Variants in SEMA3E observed in about 807,000 individuals in gnomAD.
The protein encoded by SEMA3E is semaphorin 3E, also known as semaphorin-3E.
SEMA3E carries 49 observed loss-of-function variants against 93.6 expected under a neutral mutation model. The ratio of observed to expected loss-of-function variants is 0.52; its 90% CI spans 0.42 to 0.66. The LOEUF (loss-of-function observed/expected upper bound fraction) is 0.66, where lower values mean the gene tolerates loss of function less well. SEMA3E is among the 30% of genes least tolerant of loss of function. The pLI, the probability that SEMA3E is intolerant of heterozygous loss-of-function variation, is 0.00. For missense variants in SEMA3E, 906 were observed against 964.8 expected (o/e 0.94, Z 0.81); for synonymous variants, 363 against 330.7 (o/e 1.10, Z -1.06).
chr7:83,431,368 A>T lies in SEMA3E; in HGVS notation c.457-12885T>A, dbSNP rs533593049. On this transcript the variant is annotated intron_variant, in intron 4 of 16. Coordinates refer to ENST00000643230, the MANE Select transcript of SEMA3E (RefSeq NM_012431.3). ...TATTAGAAAAAAATAAATATAAATT[A>T]AAAAATATATCTTAATTTGAGTTGG... Among the ~76,000 whole-genome samples, 38 of 152,114 alleles carry T rather than the reference A, an allele frequency of 2.5e-4. 1 individual carries two copies. Among genetic ancestry groups the T allele is most frequent in the Admixed American group, 1.1e-3 (17 of 15,288 alleles).
chr7:83,505,737 C>T (rs1190689530), intron 1 of SEMA3E, among the ~76,000 whole-genome samples: 2 of 151,836 alleles, frequency 1.3e-5, no homozygotes, highest in African/African-American at 2.4e-5. Flanking sequence ...TATTTGTGGC[C>T]GGGCACAGTG....
rs192634576 is a variant in SEMA3E, at chr7:83,505,843, G to A, written c.116-15569C>T. ...ATCCTGGCTAACATGGTGAAACCTC[G>A]TCTCTATTAAAAATACAAAAAATTA... On this transcript the variant is annotated intron_variant, in intron 1 of 16. Transcript: ENST00000643230. 4.9e-3 allele frequency among the ~76,000 whole-genome samples: 747 copies of A among 151,336 alleles called. 4 individuals carry two copies. The highest frequency in any genetic ancestry group is 1.0e-2 in the Admixed American group (151 of 15,174).
In SEMA3E at chr7:83,456,898, G is replaced by A. The variant is rs113347010; in HGVS notation, c.456+9584C>T. 6.2e-3 allele frequency among the ~76,000 whole-genome samples: 937 copies of A among 152,130 alleles called. 15 individuals are homozygous for A. Among genetic ancestry groups the A allele is most frequent in the African/African-American group, 0.021 (880 of 41,492 alleles). ...CAAAGTGCTGGGATTACAGGCAAGC[G>A]CCACTGTGCCTAGCCACGACTCTAT... On this transcript the variant is annotated intron_variant, in intron 4 of 16. Coordinates refer to ENST00000643230, the MANE Select transcript of SEMA3E (RefSeq NM_012431.3).
chr7:83,533,048 CA>C (rs1250389682), intron 1 of SEMA3E, among the ~76,000 whole-genome samples: 1 of 150,248 alleles, frequency 6.7e-6, no homozygotes, highest in Non-Finnish European at 1.5e-5. Flanking sequence ...CCTTTATCCC[CA>C]AAACACTGTG....
chr7:83,638,611 A>G (rs1793928164), intron 1 of SEMA3E, among the ~76,000 whole-genome samples: 1 of 152,206 alleles, frequency 6.6e-6, no homozygotes, highest in African/African-American at 2.4e-5. Context: ...ATAGTTAGAT[A>G]TCTATGAATC....
At chr7:83,407,035 C>T in intron 7 of SEMA3E, 62 bp downstream of exon 7, 1 of 1,594,760 alleles carries the variant, frequency 6.3e-7, no homozygotes, top group South Asian at 1.1e-5. Context: ...TTACTATAAA[C>T]TTAATAAAGG....
chr7:83,404,524 G>C (rs1788290468), intron 9 of SEMA3E, among the ~76,000 whole-genome samples: 1 of 151,742 alleles, frequency 6.6e-6, no homozygotes. Flanking sequence ...GCCTTACCTG[G>C]AAAGATACTC....
Position 83,400,104 on chromosome 7 carries a change from T to A in SEMA3E, c.1290A>T (p.Lys430Asn), listed in dbSNP as rs61729605. 2.8e-5 allele frequency: 45 copies of A among 1,614,110 alleles called. 1 individual carries two copies. The South Asian group carries it at 4.3e-4, about 15-fold the overall frequency. The change falls in exon 11 of 17, where the codon AAA (lysine) becomes AAT (asparagine). Residue 430 changes from lysine to asparagine, a missense_variant. Coordinates refer to ENST00000643230, the MANE Select transcript of SEMA3E (RefSeq NM_012431.3). ...CTACTGCTATTTGTTTCAGGTTATA[T>A]TTTCCATCTGTTTTTACCAATATTG... Reference protein sequence around the residue: ...KKPILVKTDGKYNLKQIAVDR... With the variant: ...KKPILVKTDGNYNLKQIAVDR...
At chr7:83,618,839 A>T (rs1412459518) in intron 1 of SEMA3E, among the ~76,000 whole-genome samples, 1 of 151,922 alleles carries the variant, frequency 6.6e-6, no homozygotes, top group African/African-American at 2.4e-5. Context: ...ATTTTCTCAA[A>T]CATGAGATTG....
intron 1 of SEMA3E, among the ~76,000 whole-genome samples, chr7:83,623,194 CAT>C (rs1793601313): frequency 6.6e-6 from 1 of 151,852 alleles, no homozygotes; most frequent in Non-Finnish European, 1.5e-5. Flanking sequence ...TGCATAAAGA[CAT>C]ATGTATACTA....
intron 2 of SEMA3E, among the ~76,000 whole-genome samples, chr7:83,470,521 T>C (rs1789869673): frequency 6.6e-6 from 1 of 152,154 alleles, no homozygotes; most frequent in South Asian, 2.1e-4. Context: ...ACTCAATTCA[T>C]AATTCATTTT....
At chr7:83,588,459 T>C (rs533933704) in intron 1 of SEMA3E, among the ~76,000 whole-genome samples, 1 of 152,132 alleles carries the variant, frequency 6.6e-6, no homozygotes, top group Non-Finnish European at 1.5e-5. Flanking sequence ...AGAACTGGCA[T>C]TCTAAAGCAG....
intron 4 of SEMA3E, among the ~76,000 whole-genome samples, chr7:83,447,624 G>A (rs563812201): frequency 2.6e-5 from 4 of 152,142 alleles, no homozygotes; most frequent in Admixed American, 6.6e-5. Flanking sequence ...AGATGAACAC[G>A]GAAGCTTATT....
intron 2 of SEMA3E, among the ~76,000 whole-genome samples, chr7:83,483,601 TTA>T (rs1234375670): frequency 1.3e-5 from 2 of 152,128 alleles, no homozygotes; most frequent in African/African-American, 4.8e-5. Flanking sequence ...TGGTTGATTT[TTA>T]TAGACAGAAA....
At chr7:83,549,478 AT>A (rs1791716517) in intron 1 of SEMA3E, among the ~76,000 whole-genome samples, 2 of 151,950 alleles carry the variant, frequency 1.3e-5, no homozygotes, top group Admixed American at 1.3e-4. Flanking sequence ...TTCTTTAATG[AT>A]TTATTTTTCA....
chr7:83,539,712 A>G (rs1791478122), intron 1 of SEMA3E, among the ~76,000 whole-genome samples: 1 of 152,146 alleles, frequency 6.6e-6, no homozygotes, highest in Non-Finnish European at 1.5e-5. Context: ...TATTTCTGCT[A>G]AGTTATCCTT....
At chr7:83,552,011 TG>T (rs1224896607) in intron 1 of SEMA3E, among the ~76,000 whole-genome samples, 2 of 152,182 alleles carry the variant, frequency 1.3e-5, no homozygotes, top group African/African-American at 2.4e-5. Context: ...GTATTATACA[TG>T]AAAAATGACT....
chr7:83,622,841 A>G, intron 1 of SEMA3E, among the ~76,000 whole-genome samples: 1 of 152,174 alleles, frequency 6.6e-6, no homozygotes, highest in African/African-American at 2.4e-5. Context: ...GGTGGGGAAG[A>G]GTTGCGAAGG....
intron 16 of SEMA3E, among the ~76,000 whole-genome samples, chr7:83,380,528 A>G (rs1787756051): frequency 6.6e-6 from 1 of 151,878 alleles, no homozygotes; most frequent in Admixed American, 6.6e-5. Context: ...ATAAGCTAAC[A>G]TTATTCTCTC....
Sources: allele counts gnomAD v4.1 joint callset (sites outside exome capture counted in the v4.1 genomes callset), GRCh38; gene constraint gnomAD v4.1.1; transcripts MANE v1.5; gene names NCBI Gene and HGNC (gene_info 2026-07-23, HGNC 2026-07-21).